Variants in TRAFD1 observed in about 807,000 individuals in gnomAD.
TRAFD1 encodes the protein TRAF-type zinc finger domain-containing protein 1.
In TRAFD1, 38 loss-of-function variants were observed where a neutral mutation model predicts 65.3. The ratio of observed to expected loss-of-function variants is 0.58; its 90% CI spans 0.45 to 0.76. The LOEUF (loss-of-function observed/expected upper bound fraction) is 0.76, where lower values mean the gene tolerates loss of function less well. TRAFD1 is among the 30% of genes least tolerant of loss of function. TRAFD1 has a pLI of 0.00. For missense variants in TRAFD1, 631 were observed against 712.6 expected (o/e 0.89, Z 1.30); for synonymous variants, 223 against 257.2 (o/e 0.87, Z 1.27).
chr12:112,126,531 C>T (rs1005599276), intron 1 of TRAFD1, among the ~76,000 whole-genome samples: 4 of 152,166 alleles, frequency 2.6e-5, no homozygotes, highest in African/African-American at 9.7e-5. Context: ...CTCCTTGCAT[C>T]TAGAAAAGCA....
intron 9 of TRAFD1, 117 bp from the exon 10 acceptor site, chr12:112,151,684 C>A: frequency 9.9e-7 from 1 of 1,011,068 alleles, no homozygotes; most frequent in Non-Finnish European, 1.4e-6. Context: ...AGGCATGAGC[C>A]ACCACGCCTG....
At chr12:112,144,950 G>A (rs1042109165) in intron 6 of TRAFD1, among the ~76,000 whole-genome samples, 5 of 152,092 alleles carry the variant, frequency 3.3e-5, no homozygotes, top group Non-Finnish European at 5.9e-5. Flanking sequence ...CCTATGTAAG[G>A]GGCCAAGCTC....
At position 112,137,635 on chromosome 12, in the gene TRAFD1, G is replaced by A. The variant is rs921571598; in HGVS notation, c.237+2569G>A. 9.9e-5 allele frequency among the ~76,000 whole-genome samples: 15 copies of A among 152,232 alleles called. No homozygotes were observed. The highest frequency in any genetic ancestry group is 3.6e-4 in the African/African-American group (15 of 41,554). On this transcript the variant is annotated intron_variant, in intron 4 of 11. Transcript: ENST00000412615. This position sits in a 1 kb window ranked among gnomAD's most constrained non-coding sequence, Gnocchi z 4.2. ...AAATTAGCTGGGCGTGGTGGCGGGC[G>A]CCTATAGTCCCAGCTACTTGGGAGG... is the stretch of plus-strand genomic sequence containing the variant.
intron 9 of TRAFD1, among the ~76,000 whole-genome samples, chr12:112,150,966 A>G (rs536170880): frequency 1.3e-5 from 2 of 151,974 alleles, no homozygotes; most frequent in Admixed American, 6.5e-5. Context: ...TTGGCTGGGC[A>G]TGGTGACTCA....
intron 7 of TRAFD1, among the ~76,000 whole-genome samples, chr12:112,146,522 C>T (rs961775787): frequency 6.6e-6 from 1 of 152,206 alleles, no homozygotes; most frequent in Non-Finnish European, 1.5e-5. Context: ...TTTATTGGAG[C>T]TGTATTGAAG....
chr12:112,134,996 C>T lies in TRAFD1; in HGVS notation c.184-17C>T. 2.5e-6 allele frequency: 4 copies of T among 1,614,188 alleles called. No homozygotes were observed. The Middle Eastern group carries it at 4.9e-4, about 200-fold the overall frequency. ...TTGTCCCAAAGCCAATTTACTGATT[C>T]TCACTTCTTACTCTAGGTGACCTGC... On this transcript the variant is annotated splice_polypyrimidine_tract_variant and intron_variant, in intron 3 of 11. Coordinates refer to ENST00000412615, the MANE Select transcript of TRAFD1 (RefSeq NM_006700.3).
intron 7 of TRAFD1, among the ~76,000 whole-genome samples, chr12:112,146,987 GTTT>G (rs547077120): frequency 5.3e-4 from 28 of 52,508 alleles, no homozygotes; most frequent in African/African-American, 2.1e-3. Flanking sequence ...GGGAACTTCT[GTTT>G]TTTTTTTTTT....
At chr12:112,134,480 G>T (rs892382304) in intron 2 of TRAFD1, among the ~76,000 whole-genome samples, 1 of 150,296 alleles carries the variant, frequency 6.7e-6, no homozygotes, top group African/African-American at 2.4e-5. Flanking sequence ...GGTCTCGAAC[G>T]CCTGACCTCA....
At chr12:112,146,090 A>G (rs1459219323) in intron 7 of TRAFD1, among the ~76,000 whole-genome samples, 1 of 150,966 alleles carries the variant, frequency 6.6e-6, no homozygotes, top group African/African-American at 2.4e-5. Flanking sequence ...TAATGGGTGC[A>G]GCACACCAGC....
intron 2 of TRAFD1, among the ~76,000 whole-genome samples, chr12:112,134,103 C>T (rs1336451221): frequency 2.7e-5 from 4 of 150,290 alleles, no homozygotes; most frequent in Non-Finnish European, 3.0e-5. Context: ...TTCCGCCTCC[C>T]GGGTTCAAGC....
intron 6 of TRAFD1, among the ~76,000 whole-genome samples, chr12:112,144,206 A>G (rs1011900610): frequency 6.6e-6 from 1 of 151,164 alleles, no homozygotes; most frequent in East Asian, 1.9e-4. Context: ...GAATTTATAA[A>G]TGCTTCTGGC....
chr12:112,141,323 C>T, intron 5 of TRAFD1, 99 bp downstream of exon 5: 1 of 1,376,112 alleles, frequency 7.3e-7, no homozygotes, highest in African/African-American at 1.5e-5. Flanking sequence ...TTATAGAAAC[C>T]CGACTGTAGC....
At chr12:112,146,634 C>G (rs892521633) in intron 7 of TRAFD1, among the ~76,000 whole-genome samples, 1 of 152,222 alleles carries the variant, frequency 6.6e-6, no homozygotes, top group African/African-American at 2.4e-5. Flanking sequence ...ACACATCCAA[C>G]AACACAGACC....
chr12:112,144,573 C>G (rs1229997773), intron 6 of TRAFD1, among the ~76,000 whole-genome samples: 2 of 152,170 alleles, frequency 1.3e-5, no homozygotes, highest in African/African-American at 2.4e-5. Flanking sequence ...GCCCGGCTGG[C>G]TTGGACTTTT....
At chr12:112,146,895 G>A (rs1268534907) in intron 7 of TRAFD1, among the ~76,000 whole-genome samples, 1 of 146,870 alleles carries the variant, frequency 6.8e-6, no homozygotes, top group Non-Finnish European at 1.5e-5. Context: ...AAAGGTGTCA[G>A]TTATTTGAAT....
intron 1 of TRAFD1, among the ~76,000 whole-genome samples, chr12:112,129,745 C>A (rs1183350468): frequency 1.3e-5 from 2 of 151,940 alleles, no homozygotes; most frequent in African/African-American, 4.8e-5. Context: ...CTGGTTGAAG[C>A]GATTCTCCTG....
intron 6 of TRAFD1, among the ~76,000 whole-genome samples, chr12:112,143,469 C>G (rs1057255845): frequency 7.3e-6 from 1 of 137,800 alleles, no homozygotes; most frequent in East Asian, 1.3e-3. Context: ...AGGTGATCCA[C>G]CTGCCTCAGC....
rs146972300 is a variant in TRAFD1, at chr12:112,134,966, G to C, written c.184-47G>C. The C allele has an allele frequency of 3.0e-5, 48 of 1,613,960 alleles. 1 individual carries two copies. The Middle Eastern group carries it at 4.9e-4, about 17-fold the overall frequency. On this transcript the variant is annotated intron_variant, in intron 3 of 11. Transcript: ENST00000412615. ...TTTGCTATTGTGCAATAGCAAATGAGCATATTGTCCCAAAGCCAATTTACT... is the reference window on the plus strand; with the variant it reads ...TTTGCTATTGTGCAATAGCAAATGACCATATTGTCCCAAAGCCAATTTACT...
rs749339857 is a variant in TRAFD1 at position 112,151,961 on chromosome 12, T to A, written c.1440T>A (p.Ser480=). 8 of 1,614,206 alleles carry A rather than the reference T, an allele frequency of 5.0e-6. No homozygotes were observed. The South Asian group carries it at 7.7e-5, about 16-fold the overall frequency. The change falls in exon 10 of 12, where the codon TCT becomes TCA. Residue 480 remains serine, a synonymous_variant. Transcript: ENST00000412615. ...CCAGACCTGGGTGCCAGCCCAGCTCTCCTTGTGTGCCGAAGCTCAGCAACT... is the reference window on the plus strand; with the variant it reads ...CCAGACCTGGGTGCCAGCCCAGCTCACCTTGTGTGCCGAAGCTCAGCAACT... ...SGPRPGCQPS[S]PCVPKLSNSD...
Sources: allele counts gnomAD v4.1 joint callset (sites outside exome capture counted in the v4.1 genomes callset), GRCh38; gene constraint gnomAD v4.1.1; non-coding constraint Gnocchi (gnomAD v3.1); transcripts MANE v1.5; gene names NCBI Gene and HGNC (gene_info 2026-07-23, HGNC 2026-07-21).